Variants in SHOC1 observed in about 807,000 individuals in gnomAD.
The protein encoded by SHOC1 is shortage in chiasmata 1.
A neutral mutation model predicts 179.2 loss-of-function variants in SHOC1; 136 were observed. That is an observed-to-expected ratio of 0.76 (90% CI 0.66 to 0.87). The LOEUF is 0.87. Among genes scored for constraint, SHOC1 ranks in the 40% least tolerant of loss-of-function variants. The probability of loss-of-function intolerance (pLI) is 0.00; values close to 1 mark genes in which losing one functional copy is unlikely to be tolerated. For missense variants in SHOC1, 1,538 were observed against 1,700.8 expected, an observed-to-expected ratio of 0.90 and a Z score of 1.68; for synonymous variants, 489 against 586.6, an observed-to-expected ratio of 0.83 and a Z score of 2.41.
At chr9:111,751,528 A>G (rs1834588376) in intron 8 of SHOC1, among the ~76,000 whole-genome samples, 2 of 152,120 alleles carry the variant, frequency 1.3e-5, no homozygotes, top group South Asian at 4.1e-4. Flanking sequence ...TTTTTCTATC[A>G]ATTAAAAAAG....
intron 23 of SHOC1, 49 bp from the exon 24 acceptor site, chr9:111,700,096 T>C (rs762730906): frequency 2.1e-6 from 2 of 966,082 alleles, no homozygotes; most frequent in South Asian, 1.7e-5. Context: ...TATCAGATTA[T>C]ATTTATTAAA....
At chr9:111,761,910 C>T (rs1017382628) in intron 5 of SHOC1, among the ~76,000 whole-genome samples, 1 of 151,924 alleles carries the variant, frequency 6.6e-6, no homozygotes, top group Non-Finnish European at 1.5e-5. Context: ...GTAATATATT[C>T]AATGATGATA....
chr9:111,769,986 G>GTTTTTTT (rs769266659), intron 5 of SHOC1, among the ~76,000 whole-genome samples: 58 of 77,622 alleles, frequency 7.5e-4, no homozygotes, highest in South Asian at 1.5e-3. Context: ...TTTTTTTTTT[G>GTTTTTTT]TTTTTTTTTT....
At chr9:111,786,503 ATTTTTTTTT>A (rs34413616) in intron 2 of SHOC1, among the ~76,000 whole-genome samples, 15 of 110,270 alleles carry the variant, frequency 1.4e-4, no homozygotes, top group African/African-American at 5.3e-4. Flanking sequence ...TGCTCTGCAG[ATTTTTTTTT>A]TTTTTTTTTT....
intron 6 of SHOC1, 31 bp from the exon 7 acceptor site, chr9:111,758,226 C>T (rs755487164): frequency 8.0e-7 from 1 of 1,248,302 alleles, no homozygotes; most frequent in South Asian, 1.4e-5. Context: ...TTAGTGTTTA[C>T]TAAAAGCAAG....
In SHOC1 at chr9:111,718,304, T is replaced by C. The variant is rs770021559; in HGVS notation, c.2132-16A>G. 32 of 1,526,652 alleles carry C rather than the reference T, an allele frequency of 2.1e-5. No homozygotes were observed. Among genetic ancestry groups the C allele is most frequent in the Admixed American group, 4.1e-5 (2 of 49,176 alleles). The allele number at this position is 1,526,652 out of a possible 1,614,324, so 94.6% of individuals were successfully genotyped here. On this transcript the variant is annotated splice_polypyrimidine_tract_variant and intron_variant, in intron 15 of 27. Transcript: ENST00000682961. ...TCAATTGTACCTAAGTAAGCAAAAA[T>C]GTATTTTAAAACATAGACTATACAT...
intron 3 of SHOC1, among the ~76,000 whole-genome samples, chr9:111,784,710 C>A (rs1836198007): frequency 6.6e-6 from 1 of 152,172 alleles, no homozygotes; most frequent in Non-Finnish European, 1.5e-5. Flanking sequence ...ACATTCATTT[C>A]TCATAGCTTT....
Position 111,692,315 on chromosome 9 carries a change from T to G in SHOC1, c.3662A>C (p.Glu1221Ala). Residue 1221 changes from glutamate (E) to alanine (A), a missense_variant, in exon 27 of 28, where the codon GAA (glutamate) becomes GCA (alanine). Coordinates refer to ENST00000682961, the MANE Select transcript of SHOC1 (RefSeq NM_001378211.1). ...QYLGLGETVQEDKTTILNDNS... is the reference protein window; with the variant it reads ...QYLGLGETVQADKTTILNDNS... ...GTCATTCAAAATGGTGGTTTTGTCT[T>G]CCTGCACTGTCTCTCCTAATCCTAA... 6.2e-7 allele frequency: 1 copy of G among 1,612,698 alleles called. No homozygotes were observed. The highest frequency in any genetic ancestry group is 8.5e-7 in the Non-Finnish European group (1 of 1,178,804).
chr9:111,775,686 C>T lies in SHOC1; in HGVS notation c.442+105G>A, dbSNP rs560050158. On this transcript the variant is annotated intron_variant, in intron 5 of 27. Coordinates refer to ENST00000682961, the MANE Select transcript of SHOC1 (RefSeq NM_001378211.1). ...AAAGCTTAGAGTTATGCAGGTGGAT[C>T]TTTAATAAAAAATTTTTTATTCAAC... The T allele has an allele frequency of 3.8e-3, 3,373 of 881,926 alleles. 16 individuals carry two copies. The highest frequency in any genetic ancestry group is 3.5e-3 in the Non-Finnish European group (2,108 of 597,198). The allele number at this position is 881,926 out of a possible 1,614,324, so 54.6% of individuals were successfully genotyped here. A position where few individuals can be genotyped will look rare whatever the true frequency, so the allele number is the denominator to read the frequency against.
Position 111,791,436 on chromosome 9 carries a change from G to T in SHOC1, c.-18C>A. ...GAAAACATATCTTCTTTCTTTCAAAGCAGTGTAAATTTCAACATCTGGAAA... is the reference window on the plus strand; with the variant it reads ...GAAAACATATCTTCTTTCTTTCAAATCAGTGTAAATTTCAACATCTGGAAA... On this transcript the variant is annotated 5_prime_UTR_variant, in exon 2 of 28. Transcript: ENST00000682961. 1 of 1,448,764 alleles carries T rather than the reference G, an allele frequency of 6.9e-7. No homozygotes were observed. The highest frequency in any genetic ancestry group is 1.5e-5 in the South Asian group (1 of 64,916). The allele number at this position is 1,448,764 out of a possible 1,614,324, so 89.7% of individuals were successfully genotyped here.
chr9:111,711,924 A>G (rs943220057), intron 18 of SHOC1, among the ~76,000 whole-genome samples: 4 of 152,184 alleles, frequency 2.6e-5, no homozygotes, highest in African/African-American at 9.7e-5. Flanking sequence ...TTGAGGTTTA[A>G]ATGAAAAGTA....
At chr9:111,741,249 T>A (rs746622833) in intron 11 of SHOC1, among the ~76,000 whole-genome samples, 4 of 152,114 alleles carry the variant, frequency 2.6e-5, no homozygotes, top group Non-Finnish European at 5.9e-5. Flanking sequence ...CTTTTCCTTC[T>A]CCCATGTATA....
chr9:111,759,254 A>T (rs569197174), intron 5 of SHOC1: 1 of 1,613,494 alleles, frequency 6.2e-7, no homozygotes, highest in Non-Finnish European at 8.5e-7. Flanking sequence ...TTTACCTCTT[A>T]ATATCTCCAA....
chr9:111,687,103 C>T (rs942137856), intron 27 of SHOC1, among the ~76,000 whole-genome samples: 38 of 151,882 alleles, frequency 2.5e-4, no homozygotes, highest in African/African-American at 8.2e-4. Context: ...CCTGCCACCA[C>T]GCCCGGCTAA....
chr9:111,721,464 C>A (rs991439757), intron 15 of SHOC1, among the ~76,000 whole-genome samples: 1 of 152,122 alleles, frequency 6.6e-6, no homozygotes. Context: ...CTCAGCCTCC[C>A]AAATAGCCAG....
At chr9:111,787,134 C>T (rs1242944762) in intron 2 of SHOC1, among the ~76,000 whole-genome samples, 1 of 152,170 alleles carries the variant, frequency 6.6e-6, no homozygotes, top group Non-Finnish European at 1.5e-5. Context: ...GTTGATAATG[C>T]ACCTGGCCAC....
intron 2 of SHOC1, among the ~76,000 whole-genome samples, chr9:111,786,259 C>T (rs1318074728): frequency 2.6e-5 from 4 of 152,040 alleles, no homozygotes; most frequent in Non-Finnish European, 5.9e-5. Flanking sequence ...ACGGTGAAAC[C>T]CCATCTCTAC....
At chr9:111,694,186 A>G (rs1831583826) in intron 25 of SHOC1, 45 bp downstream of exon 25, 3 of 1,516,960 alleles carry the variant, frequency 2.0e-6, no homozygotes, top group East Asian at 2.3e-5. Flanking sequence ...ACAGGTTTTT[A>G]TATTTGCTTT....
At chr9:111,738,160 G>C in intron 12 of SHOC1, 120 bp downstream of exon 12, 1 of 813,766 alleles carries the variant, frequency 1.2e-6, no homozygotes, top group East Asian at 3.1e-5. Flanking sequence ...GGCAGAGCCA[G>C]GGCCTATATG....
Sources: allele counts gnomAD v4.1 joint callset (sites outside exome capture counted in the v4.1 genomes callset), GRCh38; gene constraint gnomAD v4.1.1; transcripts MANE v1.5; gene names NCBI Gene and HGNC (gene_info 2026-07-23, HGNC 2026-07-21).